Variants in GRIK2 observed in about 807,000 individuals in gnomAD.
GRIK2 encodes the protein glutamate ionotropic receptor kainate type subunit 2, also known as glutamate receptor ionotropic, kainate 2.
GRIK2 carries 32 observed loss-of-function variants against 100.3 expected under a neutral mutation model. That is an observed-to-expected ratio of 0.32 (90% confidence interval 0.24 to 0.43). GRIK2 has a LOEUF of 0.43. Among genes scored for constraint, GRIK2 ranks in the 20% least tolerant of loss-of-function variants. The pLI, the probability that GRIK2 is intolerant of heterozygous loss-of-function variation, is 1.00. For missense variants in GRIK2, 843 were observed against 1,114.9 expected (o/e 0.76, Z 3.47); for synonymous variants, 417 against 389.4 (o/e 1.07, Z -0.83).
intron 2 of GRIK2, among the ~76,000 whole-genome samples, chr6:101,589,788 G>A (rs1778553548): frequency 1.3e-5 from 2 of 152,166 alleles, no homozygotes; most frequent in Admixed American, 1.3e-4. Flanking sequence ...CATCAAAATA[G>A]AGATGTCCAG....
chr6:101,408,238 A>G lies in GRIK2; in HGVS notation c.115+8846A>G, dbSNP rs574397922. Reference sequence around the variant, plus strand: ...AGTGGATCTTCTTTCTCTTACTGAAATGGAAGCAAAAGACACATCTTGGTC... The same window carrying G: ...AGTGGATCTTCTTTCTCTTACTGAAGTGGAAGCAAAAGACACATCTTGGTC... On this transcript the variant is annotated intron_variant, in intron 2 of 16. Transcript: ENST00000369134. Among the ~76,000 whole-genome samples the G allele has an allele frequency of 7.9e-5, 12 of 152,242 alleles. No individual in the cohort carries two copies. In the South Asian group the frequency reaches 1.5e-3, roughly 18 times the overall value.
chr6:101,537,477 T>TG (rs1775770591), intron 2 of GRIK2, among the ~76,000 whole-genome samples: 1 of 150,816 alleles, frequency 6.6e-6, no homozygotes, highest in African/African-American at 2.4e-5. Context: ...TGTGTGTGTG[T>TG]TTAAGCAAAT....
At chr6:102,036,230 A>AC (rs1554195345) in intron 15 of GRIK2, among the ~76,000 whole-genome samples, 1 of 146,310 alleles carries the variant, frequency 6.8e-6, no homozygotes, top group Middle Eastern at 3.4e-3. Flanking sequence ...GCCGTAAGTA[A>AC]ACACACACAC....
intron 7 of GRIK2, among the ~76,000 whole-genome samples, chr6:101,760,032 G>A (rs1206174046): frequency 7.2e-6 from 1 of 138,872 alleles, no homozygotes; most frequent in Non-Finnish European, 1.5e-5. Flanking sequence ...ACCGCGCCCG[G>A]CTAATTTTTT....
At chr6:101,580,051 C>T (rs1434759589) in intron 2 of GRIK2, among the ~76,000 whole-genome samples, 3 of 152,018 alleles carry the variant, frequency 2.0e-5, no homozygotes, top group Non-Finnish European at 4.4e-5. Context: ...GACTTCTTCA[C>T]ATCTTATTCT....
At chr6:102,057,650 T>G (rs1326891931) in intron 16 of GRIK2, among the ~76,000 whole-genome samples, 2 of 151,956 alleles carry the variant, frequency 1.3e-5, no homozygotes, top group African/African-American at 4.8e-5. Context: ...TGTTTCTACA[T>G]AGCTGCCACA....
chr6:101,787,395 G>C (rs1779504564), intron 7 of GRIK2, among the ~76,000 whole-genome samples: 1 of 151,378 alleles, frequency 6.6e-6, no homozygotes, highest in African/African-American at 2.4e-5. Context: ...TGCATCATTA[G>C]GTTATTTAAA....
At chr6:101,569,604 C>T (rs578223102) in intron 2 of GRIK2, among the ~76,000 whole-genome samples, 1 of 151,866 alleles carries the variant, frequency 6.6e-6, no homozygotes, top group Non-Finnish European at 1.5e-5. Flanking sequence ...AATTTTTATA[C>T]ATTTTTACTA....
intron 2 of GRIK2, among the ~76,000 whole-genome samples, chr6:101,621,082 C>A (rs944661109): frequency 2.0e-5 from 3 of 152,160 alleles, no homozygotes; most frequent in Non-Finnish European, 4.4e-5. Context: ...TTAAAAGGGA[C>A]TTAGAATAAA....
intron 2 of GRIK2, among the ~76,000 whole-genome samples, chr6:101,575,162 C>G (rs572409910): frequency 6.6e-6 from 1 of 151,648 alleles, no homozygotes; most frequent in Non-Finnish European, 1.5e-5. Context: ...ATAGGTACAA[C>G]GAAATTCTCC....
chr6:101,809,684 C>A (rs892844880), intron 9 of GRIK2, among the ~76,000 whole-genome samples: 1 of 151,936 alleles, frequency 6.6e-6, no homozygotes, highest in Non-Finnish European at 1.5e-5. Context: ...AACTCGTAAA[C>A]TTTAAATTAG....
chr6:101,582,646 T>C (rs1582765028), intron 2 of GRIK2, among the ~76,000 whole-genome samples: 1 of 152,068 alleles, frequency 6.6e-6, no homozygotes, highest in East Asian at 1.9e-4. Context: ...AGACAAAAAG[T>C]ACAACATAAG....
Position 101,974,477 on chromosome 6 carries a change from C to A in GRIK2, c.2085+45845C>A, listed in dbSNP as rs183578229. ...AAGTTCTACAGAAAAACAGAACATA[C>A]ACACACATAAAGAAATTTAATTTAA... On this transcript the variant is annotated intron_variant, in intron 14 of 16. Coordinates refer to ENST00000369134, the MANE Select transcript of GRIK2 (RefSeq NM_021956.5). 5.9e-5 allele frequency among the ~76,000 whole-genome samples: 9 copies of A among 152,040 alleles called. No homozygotes were observed. The East Asian group carries it at 1.8e-3, about 30-fold the overall frequency.
chr6:101,430,150 C>T (rs944024689), intron 2 of GRIK2, among the ~76,000 whole-genome samples: 1 of 152,170 alleles, frequency 6.6e-6, no homozygotes, highest in Non-Finnish European at 1.5e-5. Flanking sequence ...GTTCTCACCT[C>T]AGCCACTGAG....
rs143408603 is a variant in GRIK2, at chr6:101,673,581, A to G, written c.542-3042A>G. Among the ~76,000 whole-genome samples the G allele has an allele frequency of 1.3e-4, 20 of 152,268 alleles. No individual in the cohort carries two copies. The East Asian group carries it at 3.9e-3, about 29-fold the overall frequency. On this transcript the variant is annotated intron_variant, in intron 4 of 16. Coordinates refer to ENST00000369134, the MANE Select transcript of GRIK2 (RefSeq NM_021956.5). ...TGACCTGCTCCCTCACTTCCATGAC[A>G]GTATATAAAAACTGTTTATTCTTCT...
At chr6:101,924,541 T>C in intron 12 of GRIK2, 60 bp from the exon 13 acceptor site, 1 of 860,198 alleles carries the variant, frequency 1.2e-6, no homozygotes, top group South Asian at 1.4e-5. Flanking sequence ...CAAAAAATGC[T>C]GGATAGAATT....
intron 7 of GRIK2, among the ~76,000 whole-genome samples, chr6:101,799,413 T>C (rs1408405421): frequency 1.3e-5 from 2 of 151,980 alleles, no homozygotes; most frequent in Non-Finnish European, 2.9e-5. Flanking sequence ...TGTAATTGGG[T>C]TATTTCAGGA....
At chr6:101,917,705 C>A (rs1789210366) in intron 12 of GRIK2, among the ~76,000 whole-genome samples, 1 of 151,040 alleles carries the variant, frequency 6.6e-6, no homozygotes, top group African/African-American at 2.4e-5. Context: ...AAATAGTAAT[C>A]ATCCTTCAAA....
intron 12 of GRIK2, among the ~76,000 whole-genome samples, chr6:101,921,567 G>A (rs940868861): frequency 6.6e-6 from 1 of 152,022 alleles, no homozygotes; most frequent in African/African-American, 2.4e-5. Context: ...CAATCTTAGA[G>A]GGGTGAGATG....
Sources: gnomAD v4.1 joint callset for allele counts (sites outside exome capture counted in the v4.1 genomes callset) on GRCh38, gnomAD v4.1.1 for gene constraint, MANE v1.5 for transcripts, NCBI Gene and HGNC (gene_info 2026-07-23, HGNC 2026-07-21) for gene names.